The following PDZRN4 variants were observed in gnomAD, a reference collection of about 807,000 sequenced individuals.
PDZRN4 encodes the protein PDZ domain containing ring finger 4.
PDZRN4 carries 70 observed loss-of-function variants against 99.0 expected under a neutral mutation model. The observed-to-expected ratio is 0.71, with a 90% confidence interval of 0.58 to 0.86. The LOEUF (loss-of-function observed/expected upper bound fraction) is 0.86, where lower values mean the gene tolerates loss of function less well. Ranked by LOEUF, PDZRN4 falls within the 40% of genes least tolerant of loss-of-function variation. PDZRN4 has a pLI of 0.00. For synonymous variants in PDZRN4, 551 were observed against 501.6 expected, an observed-to-expected ratio of 1.10 and a Z score of -1.32; for missense variants, 1,474 against 1,331.2, an observed-to-expected ratio of 1.11 and a Z score of -1.67.
chr12:41,226,921 A>G (rs529675553), intron 3 of PDZRN4, among the ~76,000 whole-genome samples: 1 of 152,256 alleles, frequency 6.6e-6, no homozygotes, highest in South Asian at 2.1e-4. Flanking sequence ...TCTATTGACC[A>G]TATTGTACTT....
At chr12:41,555,886 CA>C (rs35738715) in intron 7 of PDZRN4, 126 bp downstream of exon 7, 124,025 of 546,312 alleles carry the variant, frequency 0.23, 6,741 homozygotes, top group Middle Eastern at 0.28. Context: ...TCTACAAAAC[CA>C]AAAAAAAAAA....
chr12:41,424,761 TGA>T (rs1952521458), intron 3 of PDZRN4, among the ~76,000 whole-genome samples: 2 of 152,166 alleles, frequency 1.3e-5, no homozygotes, highest in African/African-American at 2.4e-5. Context: ...CTCCAGATAG[TGA>T]GTCAGGGATC....
At chr12:41,471,805 G>T (rs952352855) in intron 3 of PDZRN4, among the ~76,000 whole-genome samples, 3 of 151,364 alleles carry the variant, frequency 2.0e-5, no homozygotes, top group Non-Finnish European at 4.4e-5. Context: ...AAAATAAAAT[G>T]TGCTACTTTT....
At chr12:41,199,388 A>G (rs1950799700) in intron 3 of PDZRN4, among the ~76,000 whole-genome samples, 1 of 152,202 alleles carries the variant, frequency 6.6e-6, no homozygotes, top group African/African-American at 2.4e-5. Flanking sequence ...GAGAAAAGAG[A>G]ACACTTACAC....
intron 3 of PDZRN4, among the ~76,000 whole-genome samples, chr12:41,300,901 G>C (rs957476986): frequency 6.6e-6 from 1 of 151,988 alleles, no homozygotes; most frequent in Non-Finnish European, 1.5e-5. Context: ...AAGAGATCAA[G>C]GTTATCAAAA....
At chr12:41,364,166 C>T (rs1418422680) in intron 3 of PDZRN4, among the ~76,000 whole-genome samples, 1 of 152,114 alleles carries the variant, frequency 6.6e-6, no homozygotes, top group Admixed American at 6.6e-5. Flanking sequence ...TAGTATGGAA[C>T]ATCCAGTGTA....
intron 5 of PDZRN4, among the ~76,000 whole-genome samples, chr12:41,543,897 A>C (rs1592105105): frequency 6.6e-6 from 1 of 152,204 alleles, no homozygotes; most frequent in East Asian, 1.9e-4. Flanking sequence ...CTAGATCACA[A>C]GCCCAGCCCT....
Position 41,492,116 on chromosome 12 carries a change from G to A in PDZRN4, c.844-14340G>A, listed in dbSNP as rs574322559. ...TATGTACAACTTCTAAATCCCACCT[G>A]TTACTGTAACAGTCTCAAAAAATAA... is the stretch of plus-strand genomic sequence containing the variant. On this transcript the variant is annotated intron_variant, in intron 3 of 9. Coordinates refer to ENST00000402685, the MANE Select transcript of PDZRN4 (RefSeq NM_001164595.2). Among the ~76,000 whole-genome samples the A allele has an allele frequency of 6.6e-5, 10 of 152,148 alleles. No individual in the cohort carries two copies. In the East Asian group the frequency reaches 1.9e-3, roughly 29 times the overall value.
intron 3 of PDZRN4, among the ~76,000 whole-genome samples, chr12:41,337,783 CT>C (rs773408523): frequency 1.3e-5 from 2 of 152,134 alleles, no homozygotes; most frequent in Non-Finnish European, 2.9e-5. Context: ...TCCTTGGAAT[CT>C]TGCAGAGATT....
At chr12:41,474,569 G>A (rs1285500109) in intron 3 of PDZRN4, among the ~76,000 whole-genome samples, 1 of 152,218 alleles carries the variant, frequency 6.6e-6, no homozygotes, top group African/African-American at 2.4e-5. Context: ...TAGGGTCTGT[G>A]TTCTTATGCA....
intron 3 of PDZRN4, among the ~76,000 whole-genome samples, chr12:41,352,094 A>G (rs10785245): frequency 0.36 from 54,579 of 151,840 alleles, 9,907 homozygotes; most frequent in Non-Finnish European, 0.39. Flanking sequence ...AAAAGTGGGG[A>G]TGTATTGGAT....
Position 41,189,131 on chromosome 12 carries a change from G to T in PDZRN4, c.648+28G>T, listed in dbSNP as rs1262273145. ...AAGCAAAGGGGGGTGGGCACCGCGG[G>T]CATGGTCGATTGGGGTGGGAAAAGG... On this transcript the variant is annotated intron_variant, in intron 1 of 9. Coordinates refer to ENST00000402685, the MANE Select transcript of PDZRN4 (RefSeq NM_001164595.2). The T allele has an allele frequency of 5.1e-6, 8 of 1,566,030 alleles. 1 individual carries two copies. Among genetic ancestry groups the T allele is most frequent in the South Asian group, 1.2e-5 (1 of 86,394 alleles).
At chr12:41,189,949 C>T (rs944839638) in intron 1 of PDZRN4, among the ~76,000 whole-genome samples, 1 of 152,130 alleles carries the variant, frequency 6.6e-6, no homozygotes. Context: ...GCTTTCATAC[C>T]GAATAAACAA....
chr12:41,307,539 AT>A (rs1951579488), intron 3 of PDZRN4, among the ~76,000 whole-genome samples: 1 of 152,210 alleles, frequency 6.6e-6, no homozygotes, highest in South Asian at 2.1e-4. Context: ...CAACATAGGC[AT>A]TTGAGAGGGC....
intron 3 of PDZRN4, among the ~76,000 whole-genome samples, chr12:41,372,634 A>G (rs1265603342): frequency 6.6e-6 from 1 of 152,172 alleles, no homozygotes; most frequent in Non-Finnish European, 1.5e-5. Flanking sequence ...ATGGTAATAA[A>G]GGCATTTGCA....
At chr12:41,355,081 C>T (rs1205318395) in intron 3 of PDZRN4, among the ~76,000 whole-genome samples, 6 of 151,924 alleles carry the variant, frequency 3.9e-5, no homozygotes, top group African/African-American at 1.5e-4. Context: ...ATATTCTTGC[C>T]CTCTGTTGTC....
At chr12:41,248,061 T>G (rs1421547330) in intron 3 of PDZRN4, among the ~76,000 whole-genome samples, 1 of 152,206 alleles carries the variant, frequency 6.6e-6, no homozygotes, top group Admixed American at 6.5e-5. Context: ...ATGATGCTAG[T>G]TGTTGCAGGT....
intron 3 of PDZRN4, among the ~76,000 whole-genome samples, chr12:41,469,648 C>T (rs1212691543): frequency 6.6e-6 from 1 of 152,096 alleles, no homozygotes; most frequent in East Asian, 1.9e-4. Context: ...TGAAATGCTT[C>T]TTGCTGGGCA....
intron 3 of PDZRN4, among the ~76,000 whole-genome samples, chr12:41,447,173 TAGTTA>T (rs1952736456): frequency 6.6e-6 from 1 of 152,098 alleles, no homozygotes; most frequent in African/African-American, 2.4e-5. Context: ...CTTGGTACTT[TAGTTA>T]AAAGAGCTCA....
Sources: gnomAD v4.1 joint callset for allele counts (sites outside exome capture counted in the v4.1 genomes callset) on GRCh38, gnomAD v4.1.1 for gene constraint, MANE v1.5 for transcripts, NCBI Gene and HGNC (gene_info 2026-07-23, HGNC 2026-07-21) for gene names.